PKD1L1: variants seen among roughly 807,000 people sequenced by gnomAD.
The protein encoded by PKD1L1 is polycystin-1-like protein 1.
A neutral mutation model predicts 323.4 loss-of-function variants in PKD1L1; 236 were observed. The ratio of observed to expected loss-of-function variants is 0.73; its 90% CI spans 0.66 to 0.81. PKD1L1 has a LOEUF of 0.81. PKD1L1 is among the 40% of genes least tolerant of loss of function. The pLI, the probability that PKD1L1 is intolerant of heterozygous loss-of-function variation, is 0.00. For synonymous variants in PKD1L1, 1,344 were observed against 1,335.0 expected (o/e 1.01, Z -0.15); for missense variants, 3,320 against 3,508.0 (o/e 0.95, Z 1.35).
intron 30 of PKD1L1, 77 bp downstream of exon 30, chr7:47,854,804 CT>C: frequency 6.7e-7 from 1 of 1,493,530 alleles, no homozygotes. Flanking sequence ...ATTTAATTCA[CT>C]GATTTTTTGT....
intron 15 of PKD1L1, among the ~76,000 whole-genome samples, chr7:47,891,188 A>C (rs1786808865): frequency 6.6e-6 from 1 of 152,188 alleles, no homozygotes; most frequent in African/African-American, 2.4e-5. Context: ...GCCCAGTTTT[A>C]GGAAGAAAAT....
At chr7:47,787,510 T>C (rs1168550427) in intron 56 of PKD1L1, among the ~76,000 whole-genome samples, 2 of 152,190 alleles carry the variant, frequency 1.3e-5, no homozygotes, top group Non-Finnish European at 2.9e-5. Context: ...TTCTCAGCCA[T>C]AGGAAATTAG....
chr7:47,941,639 G>A (rs546866104), intron 2 of PKD1L1, among the ~76,000 whole-genome samples: 1 of 152,316 alleles, frequency 6.6e-6, no homozygotes, highest in Non-Finnish European at 1.5e-5. Context: ...GAGCACCCAT[G>A]CAGGCTGGAT....
intron 45 of PKD1L1, 47 bp downstream of exon 45, chr7:47,827,303 A>G: frequency 1.4e-6 from 2 of 1,464,780 alleles, no homozygotes; most frequent in Middle Eastern, 2.1e-4. Context: ...CCCTCCGAGA[A>G]GGGAGCTGGA....
chr7:47,951,452 T>C (rs1788203477), upstream of PKD1L1, among the ~76,000 whole-genome samples: 1 of 152,220 alleles, frequency 6.6e-6, no homozygotes, highest in African/African-American at 2.4e-5. Flanking sequence ...ATAGTTCACT[T>C]AGTCAACCCC....
In PKD1L1 at chr7:47,866,446, T is replaced by A. The variant is rs146886853; in HGVS notation, c.4065A>T (p.Ser1355=). The part of the protein sequence containing the change: ...WSRIQDALIS[S]VCRLAFVDQE... ...GATCTACAAAAGCCAATCTGCATACTGAAGAAATTAATGCATCCTGTATTC... is the reference window on the plus strand; with the variant it reads ...GATCTACAAAAGCCAATCTGCATACAGAAGAAATTAATGCATCCTGTATTC... The change falls in exon 25 of 57, where the codon TCA becomes TCT. Residue 1355 remains serine (S), a synonymous_variant. Coordinates refer to ENST00000289672, the MANE Select transcript of PKD1L1 (RefSeq NM_138295.5). The A allele has an allele frequency of 6.2e-7, 1 of 1,613,690 alleles. No homozygotes were observed. Among genetic ancestry groups the A allele is most frequent in the Non-Finnish European group, 8.5e-7 (1 of 1,179,868 alleles).
Position 47,905,158 on chromosome 7 carries a change from A to T in PKD1L1, c.1690T>A (p.Trp564Arg). ...SIKKRLSIPQ[W>R]YRVMVKASNR... ...AGCAGGACTGCTACTTTTACTGACC[A>T]TTGGGGGATGCTGAGTCTTTTTTTA... The change falls in exon 11 of 57, where the codon TGG (tryptophan) becomes AGG (arginine). Residue 564 changes from tryptophan (W) to arginine (R), a missense_variant and splice_region_variant. By Grantham distance (101) the Trp-to-Arg change is moderately radical. Transcript: ENST00000289672. The T allele has an allele frequency of 6.2e-7, 1 of 1,613,530 alleles. No homozygotes were observed. Among genetic ancestry groups the T allele is most frequent in the Non-Finnish European group, 8.5e-7 (1 of 1,179,696 alleles).
At chr7:47,788,756 C>T (rs952822331) in intron 56 of PKD1L1, among the ~76,000 whole-genome samples, 1 of 151,440 alleles carries the variant, frequency 6.6e-6, no homozygotes, top group Non-Finnish European at 1.5e-5. Context: ...CCACCACACC[C>T]GGCTAATTTG....
chr7:47,930,832 C>CA (rs899327030), intron 6 of PKD1L1, among the ~76,000 whole-genome samples: 9 of 152,132 alleles, frequency 5.9e-5, no homozygotes, highest in African/African-American at 2.2e-4. Context: ...AACAAACAAA[C>CA]AACAACAACA....
intron 2 of PKD1L1, among the ~76,000 whole-genome samples, chr7:47,941,601 C>T (rs542383220): frequency 1.2e-4 from 19 of 152,350 alleles, no homozygotes; most frequent in South Asian, 4.1e-4. Flanking sequence ...TAATATGTGA[C>T]GTGCTACAAA....
chr7:47,827,853 G>A (rs865849313), intron 44 of PKD1L1, among the ~76,000 whole-genome samples: 10 of 152,294 alleles, frequency 6.6e-5, no homozygotes, highest in Middle Eastern at 3.4e-3. Flanking sequence ...TTAAAGTATA[G>A]TCTTAGCAAG....
At chr7:47,915,198 C>T (rs1409132868) in intron 8 of PKD1L1, among the ~76,000 whole-genome samples, 2 of 152,210 alleles carry the variant, frequency 1.3e-5, no homozygotes, top group African/African-American at 2.4e-5. Flanking sequence ...GGGAATGAGA[C>T]AGCAGTCACA....
At chr7:47,891,792 C>T (rs1786824884) in intron 15 of PKD1L1, among the ~76,000 whole-genome samples, 1 of 152,218 alleles carries the variant, frequency 6.6e-6, no homozygotes, top group South Asian at 2.1e-4. Flanking sequence ...TGTGCAGGTG[C>T]TAGGGCATGC....
At chr7:47,808,170 G>A in intron 52 of PKD1L1, 77 bp downstream of exon 52, 3 of 1,540,678 alleles carry the variant, frequency 1.9e-6, no homozygotes, top group Non-Finnish European at 2.7e-6. Flanking sequence ...ACCTTCTAGA[G>A]TTTGTGTGAC....
At chr7:47,870,949 G>A (rs1388975133) in intron 24 of PKD1L1, among the ~76,000 whole-genome samples, 2 of 111,962 alleles carry the variant, frequency 1.8e-5, no homozygotes, top group Admixed American at 2.3e-4. Context: ...CTCCAACCTA[G>A]ACAACAGATG....
chr7:47,858,888 G>A lies in PKD1L1; in HGVS notation c.4150-3C>T. 6.2e-7 allele frequency: 1 copy of A among 1,613,020 alleles called. No individual in the cohort carries two copies. The highest frequency in any genetic ancestry group is 8.5e-7 in the Non-Finnish European group (1 of 1,179,368). ...AGAACCGCACTCATAAAGCCTAGCTGCATGAACAGAAAAGATGTAAATAAA... is the reference window on the plus strand; with the variant it reads ...AGAACCGCACTCATAAAGCCTAGCTACATGAACAGAAAAGATGTAAATAAA... On this transcript the variant is annotated splice_region_variant and splice_polypyrimidine_tract_variant and intron_variant, in intron 26 of 56. Coordinates refer to ENST00000289672, the MANE Select transcript of PKD1L1 (RefSeq NM_138295.5).
upstream of PKD1L1, among the ~76,000 whole-genome samples, chr7:47,951,773 A>C (rs969063307): frequency 6.6e-6 from 1 of 152,246 alleles, no homozygotes; most frequent in African/African-American, 2.4e-5. Context: ...GTGTATACAT[A>C]AAATATACAA....
At chr7:47,873,341 A>C (rs1259955072) in intron 24 of PKD1L1, among the ~76,000 whole-genome samples, 1 of 152,130 alleles carries the variant, frequency 6.6e-6, no homozygotes, top group Non-Finnish European at 1.5e-5. Context: ...ATCTTTAAAA[A>C]CTGTTTTTAA....
chr7:47,866,286 G>C, intron 25 of PKD1L1, 133 bp downstream of exon 25: 1 of 823,708 alleles, frequency 1.2e-6, no homozygotes, highest in Non-Finnish European at 1.9e-6. Flanking sequence ...GAGCTGAGCT[G>C]GCTGGCCCTC....
Sources: allele counts gnomAD v4.1 joint callset (sites outside exome capture counted in the v4.1 genomes callset), GRCh38; gene constraint gnomAD v4.1.1; transcripts MANE v1.5; gene names NCBI Gene and HGNC (gene_info 2026-07-23, HGNC 2026-07-21).